Variants in AFF1 observed in about 807,000 individuals in gnomAD.
AFF1 encodes AF4/FMR2 family member 1.
Under a neutral mutation model 121.7 loss-of-function variants are expected in AFF1, and 48 were observed. The ratio of observed to expected loss-of-function variants is 0.39; its 90% CI spans 0.31 to 0.50. The LOEUF (loss-of-function observed/expected upper bound fraction) is 0.50, where lower values mean the gene tolerates loss of function less well. Among genes scored for constraint, AFF1 ranks in the 20% least tolerant of loss-of-function variants. The probability of loss-of-function intolerance (pLI) is 0.76; values close to 1 mark genes in which losing one functional copy is unlikely to be tolerated. For missense variants in AFF1, 1,523 were observed against 1,511.7 expected, an observed-to-expected ratio of 1.01 and a Z score of -0.12; for synonymous variants, 613 against 563.0, an observed-to-expected ratio of 1.09 and a Z score of -1.26.
At chr4:87,135,258 C>T (rs1729201894) in intron 20 of AFF1, among the ~76,000 whole-genome samples, 1 of 152,092 alleles carries the variant, frequency 6.6e-6, no homozygotes, top group South Asian at 2.1e-4. Context: ...CCTCTTAGGG[C>T]CTTATCTGTC....
At chr4:87,061,178 G>C (rs1720750634) in intron 4 of AFF1, among the ~76,000 whole-genome samples, 1 of 152,186 alleles carries the variant, frequency 6.6e-6, no homozygotes, top group Non-Finnish European at 1.5e-5. Flanking sequence ...CTTGGTTCGT[G>C]TTTCTAGTGA....
chr4:87,094,779 G>A, intron 7 of AFF1, 136 bp from the exon 8 acceptor site: 2 of 778,710 alleles, frequency 2.6e-6, no homozygotes, highest in South Asian at 1.7e-5. Flanking sequence ...TAACATAAAT[G>A]TCATCTTATA....
intron 16 of AFF1, among the ~76,000 whole-genome samples, chr4:87,129,787 A>G (rs1359924555): frequency 6.6e-6 from 1 of 152,178 alleles, no homozygotes; most frequent in Non-Finnish European, 1.5e-5. Flanking sequence ...TACTGGTAAA[A>G]CATGAGAACA....
rs143215827 is a variant in AFF1, at chr4:87,094,947, A to C, written c.1261A>C (p.Asn421His). The change falls in exon 8 of 21, where the codon AAT (asparagine) becomes CAT (histidine). Residue 421 changes from asparagine (N) to histidine (H), a missense_variant. This residue lies in a region of AFF1 where 905 missense variants were observed against 842.5 expected (regional missense o/e 1.07). Transcript: ENST00000395146. ...TGATACATCTTCAAAAACTCACTCA[A>C]ATTCTCAGCAAGGAACGTCATCGTA... ...QYDTSSKTHS[N>H]SQQGTSSMLE... The C allele has an allele frequency of 6.2e-7, 1 of 1,613,840 alleles. No individual in the cohort carries two copies. The highest frequency in any genetic ancestry group is 1.3e-5 in the African/African-American group (1 of 74,924).
Position 87,091,811 on chromosome 4 carries a change from T to A in AFF1, c.1210T>A (p.Ser404Thr), listed in dbSNP as rs769590022. 3.2e-6 allele frequency: 5 copies of A among 1,560,916 alleles called. No individual in the cohort carries two copies. The highest frequency in any genetic ancestry group is 4.3e-6 in the Non-Finnish European group (5 of 1,154,554). The change falls in exon 7 of 21, where the codon TCT (serine) becomes ACT (threonine). Residue 404 changes from serine to threonine, a missense_variant. Ser to Thr is a moderately conservative substitution (Grantham distance 58, BLOSUM62 1). Around this residue, in one of 5 missense-constraint regions of AFF1, gnomAD observed 905 missense variants for 842.5 expected, o/e 1.07. Transcript: ENST00000395146. Reference protein sequence around the residue: ...FPTKDSQHVSSVTQNQKQYDT... With the variant: ...FPTKDSQHVSTVTQNQKQYDT... The stretch of plus-strand genomic sequence containing the variant: ...TTTCTAGGACTCTCAGCATGTCAGT[T>A]CTGTAACCCAAAACCAAAGTAAGTA...
At chr4:86,952,848 T>TTTTTGTA (rs1211827326) in intron 2 of AFF1, among the ~76,000 whole-genome samples, 1 of 149,548 alleles carries the variant, frequency 6.7e-6, no homozygotes, top group African/African-American at 2.5e-5. Flanking sequence ...GCCCGGCTAC[T>TTTTTGTA]TTTTGTATTT....
At chr4:86,982,848 C>CAAAAAAAAAAAAAAAAAAAAAAAAAAA (rs59568294) in intron 2 of AFF1, among the ~76,000 whole-genome samples, 1 of 53,804 alleles carries the variant, frequency 1.9e-5, no homozygotes, top group African/African-American at 6.8e-5. Context: ...ACTCTGTCTC[C>CAAAAAAAAAAAAAAAAAAAAAAAAAAA]AAAAAAAAAA....
intron 5 of AFF1, among the ~76,000 whole-genome samples, chr4:87,088,992 G>A (rs951308347): frequency 2.0e-5 from 3 of 152,094 alleles, no homozygotes; most frequent in African/African-American, 7.2e-5. Context: ...TGATCCACCT[G>A]CCTTGGCCTC....
At chr4:86,977,573 C>T (rs185921507) in intron 2 of AFF1, among the ~76,000 whole-genome samples, 1 of 152,222 alleles carries the variant, frequency 6.6e-6, no homozygotes, top group African/African-American at 2.4e-5. Flanking sequence ...TCCCTCACCC[C>T]CTGCATAATT....
At chr4:87,129,189 GGACAGT>G (rs1451342464) in intron 16 of AFF1, among the ~76,000 whole-genome samples, 1 of 152,136 alleles carries the variant, frequency 6.6e-6, no homozygotes, top group Non-Finnish European at 1.5e-5. Context: ...ATGCCAGCTT[GGACAGT>G]AAGCCCCTGT....
intron 11 of AFF1, among the ~76,000 whole-genome samples, chr4:87,110,646 A>AT (rs922468784): frequency 2.0e-5 from 3 of 152,110 alleles, no homozygotes; most frequent in Admixed American, 2.0e-4. Context: ...TTAAAAAAAA[A>AT]TTTTGCACTC....
chr4:87,116,420 C>T (rs964570272), intron 12 of AFF1, among the ~76,000 whole-genome samples: 37 of 152,250 alleles, frequency 2.4e-4, no homozygotes, highest in African/African-American at 8.7e-4. Context: ...CCCAAGCCAA[C>T]TTGCCCAAGA....
At chr4:87,111,868 A>G (rs1403668735) in intron 11 of AFF1, among the ~76,000 whole-genome samples, 1 of 152,134 alleles carries the variant, frequency 6.6e-6, no homozygotes, top group African/African-American at 2.4e-5. Context: ...GGAAGAATAT[A>G]TTTTATTTCT....
At position 87,010,825 on chromosome 4, in the gene AFF1, C is replaced by T. The variant is rs562244094; in HGVS notation, c.39-35341C>T. Among the ~76,000 whole-genome samples the T allele has an allele frequency of 6.6e-5, 10 of 152,254 alleles. No homozygotes were observed. The East Asian group carries it at 1.7e-3, about 26-fold the overall frequency. ...CACCTGGGCCGGGTGTGGTGGCTCA[C>T]GCCTGTAATCCCAGCACTTTTGGGA... On this transcript the variant is annotated intron_variant, in intron 2 of 20. Transcript: ENST00000395146.
chr4:87,130,963 A>C, intron 16 of AFF1, 120 bp from the exon 17 acceptor site: 2 of 1,332,526 alleles, frequency 1.5e-6, no homozygotes, highest in Non-Finnish European at 1.0e-6. Context: ...TCATCCTCAC[A>C]CTTCTCCCTG....
chr4:87,133,236 T>C (rs893381831), intron 19 of AFF1, among the ~76,000 whole-genome samples: 1 of 152,208 alleles, frequency 6.6e-6, no homozygotes, highest in Admixed American at 6.5e-5. Context: ...CTGTAAGTTA[T>C]TAGAAAAAAA....
At chr4:87,016,645 T>A (rs1395028457) in intron 2 of AFF1, among the ~76,000 whole-genome samples, 1 of 152,208 alleles carries the variant, frequency 6.6e-6, no homozygotes, top group African/African-American at 2.4e-5. Flanking sequence ...TTAGTTACTT[T>A]ACTGAATGGA....
At chr4:87,088,036 A>G (rs1175704025) in intron 5 of AFF1, among the ~76,000 whole-genome samples, 1 of 152,248 alleles carries the variant, frequency 6.6e-6, no homozygotes, top group Non-Finnish European at 1.5e-5. Context: ...TGCAGTATTC[A>G]TTCAGTACGG....
Position 87,135,891 on chromosome 4 carries a change from A to AAGCAG in AFF1, c.*193_*197dup. The AAGCAG allele has an allele frequency of 1.1e-6, 1 of 915,268 alleles. No homozygotes were observed. Among genetic ancestry groups the AAGCAG allele is most frequent in the Non-Finnish European group, 1.5e-6 (1 of 666,888 alleles). 56.7% of individuals were successfully genotyped at this position (915,268 alleles called of 1,614,324 possible). A position where few individuals can be genotyped will look rare whatever the true frequency, so the allele number is the denominator to read the frequency against. On this transcript the variant is annotated 3_prime_UTR_variant, in exon 21 of 21. Coordinates refer to ENST00000395146, the MANE Select transcript of AFF1 (RefSeq NM_001166693.3). ...TTGGTTGGACACTGTGGTTATGCAGAAGCAGAGATGAGGAGGCTGGCCCCA... is the reference window on the plus strand; with the variant it reads ...TTGGTTGGACACTGTGGTTATGCAGAAGCAGAGCAGAGATGAGGAGGCTGGCCCCA...
Sources: gnomAD v4.1 joint callset for allele counts (sites outside exome capture counted in the v4.1 genomes callset) on GRCh38, gnomAD v4.1.1 for gene constraint, gnomAD v4.1.1 regional missense constraint, MANE v1.5 for transcripts, NCBI Gene and HGNC (gene_info 2026-07-23, HGNC 2026-07-21) for gene names.